The following DMC1 variants were observed in gnomAD, a reference collection of about 807,000 sequenced individuals.
The protein encoded by DMC1 is meiotic recombination protein DMC1 homolog.
A neutral mutation model predicts 50.1 loss-of-function variants in DMC1; 27 were observed. The observed-to-expected ratio is 0.54, with a 90% CI of 0.40 to 0.74. The LOEUF (loss-of-function observed/expected upper bound fraction) is 0.74. DMC1 is among the 30% of genes least tolerant of loss of function. The pLI is 0.00. For synonymous variants in DMC1, 148 were observed against 136.1 expected (o/e 1.09, Z -0.61); for missense variants, 295 against 420.2 (o/e 0.70, Z 2.60).
At chr22:38,513,152 A>G in the DMC1 span, among the ~76,000 whole-genome samples, 1 of 151,708 alleles carries the variant, frequency 6.6e-6, no homozygotes, top group Non-Finnish European at 1.5e-5. Flanking sequence ...CTGGGCATGG[A>G]TGGGAGTCTG....
At position 38,547,226 on chromosome 22, in the gene DMC1, G is replaced by A. The variant is rs553018324; in HGVS notation, c.494+2699C>T. On this transcript the variant is annotated intron_variant, in intron 8 of 13. Coordinates refer to ENST00000216024, the MANE Select transcript of DMC1 (RefSeq NM_007068.4). ...AAAATTTATTTCGTAGAGACACTAT[G>A]TTGCCCAGGCTGGTCTTGAACTCCT... is the stretch of plus-strand genomic sequence containing the variant. Among the ~76,000 whole-genome samples the A allele has an allele frequency of 2.0e-5, 3 of 152,240 alleles. No homozygotes were observed. In the South Asian group the frequency reaches 6.2e-4, roughly 32 times the overall value.
At chr22:38,521,536 T>G (rs2090023946) in intron 13 of DMC1, 72 bp downstream of exon 13, 1 of 923,834 alleles carries the variant, frequency 1.1e-6, no homozygotes, top group Admixed American at 2.2e-5. Flanking sequence ...AAACCCCGTC[T>G]CTACACACAC....
chr22:38,564,846 T>TAC (rs1439389864), intron 4 of DMC1, among the ~76,000 whole-genome samples: 2 of 152,152 alleles, frequency 1.3e-5, no homozygotes, highest in Non-Finnish European at 2.9e-5. Flanking sequence ...GACTTGTGGG[T>TAC]ACACTGCCTG....
At chr22:38,555,334 CA>C (rs2090458598) in intron 6 of DMC1, 22 bp downstream of exon 6, 3 of 1,538,494 alleles carry the variant, frequency 1.9e-6, no homozygotes, top group Non-Finnish European at 2.7e-6. Context: ...TTTCATTTAA[CA>C]AAATATTAAG....
chr22:38,552,624 A>G, intron 7 of DMC1, 42 bp downstream of exon 7: 1 of 1,345,658 alleles, frequency 7.4e-7, no homozygotes, highest in Non-Finnish European at 1.1e-6. Flanking sequence ...TTGATAAGTA[A>G]TAGCCATGAT....
downstream of DMC1, among the ~76,000 whole-genome samples, chr22:38,516,996 T>C (rs1453054154): frequency 6.6e-6 from 1 of 151,998 alleles, no homozygotes; most frequent in Admixed American, 6.6e-5. Flanking sequence ...CTAACTTTTG[T>C]TTGTTTTTTG....
chr22:38,515,808 C>A (rs115582834), downstream of DMC1, among the ~76,000 whole-genome samples: 260 of 152,140 alleles, frequency 1.7e-3, no homozygotes, highest in African/African-American at 5.9e-3. Flanking sequence ...AAAAATCAAT[C>A]AATAAATAAA....
intron 8 of DMC1, among the ~76,000 whole-genome samples, chr22:38,542,333 C>G (rs1339171509): frequency 6.6e-6 from 1 of 151,974 alleles, no homozygotes; most frequent in East Asian, 1.9e-4. Context: ...GCTATTAGAA[C>G]TGATAAACAA....
chr22:38,562,814 T>TATATACACACATATATACATATACAC (rs2090543263), intron 4 of DMC1, among the ~76,000 whole-genome samples: 2 of 151,874 alleles, frequency 1.3e-5, no homozygotes, highest in African/African-American at 2.4e-5. Context: ...TACATATACA[T>TATATACACACATATATACATATACAC]ATATACACAC....
In DMC1 at chr22:38,568,205, C is replaced by G. The variant is rs751123078; in HGVS notation, c.51+1G>C. On this transcript the variant is annotated splice_donor_variant, in intron 2 of 13. Coordinates refer to ENST00000216024, the MANE Select transcript of DMC1 (RefSeq NM_007068.4). LOFTEE classifies it high-confidence loss of function. ...TATATCTTTCAACATTTTAGTCATACCTCTTCATCTTGGAATCCTGGTTCT... is the reference window on the plus strand; with the variant it reads ...TATATCTTTCAACATTTTAGTCATAGCTCTTCATCTTGGAATCCTGGTTCT... 2 of 1,613,774 alleles carry G rather than the reference C, an allele frequency of 1.2e-6. No homozygotes were observed. Among genetic ancestry groups the G allele is most frequent in the Non-Finnish European group, 1.7e-6 (2 of 1,179,812 alleles).
intron 9 of DMC1, among the ~76,000 whole-genome samples, chr22:38,539,015 G>A (rs2090250172): frequency 6.7e-6 from 1 of 150,314 alleles, no homozygotes; most frequent in African/African-American, 2.5e-5. Context: ...CAGCCTGAGT[G>A]ACAGAGCGAG....
the DMC1 span, among the ~76,000 whole-genome samples, chr22:38,510,996 T>G: frequency 6.6e-6 from 1 of 152,220 alleles, no homozygotes; most frequent in Non-Finnish European, 1.5e-5. Context: ...AAGTCAGGCA[T>G]GGTGGCATGT....
chr22:38,547,519 G>T (rs1765850005), intron 8 of DMC1, among the ~76,000 whole-genome samples: 1 of 151,362 alleles, frequency 6.6e-6, no homozygotes, highest in Admixed American at 6.6e-5. Flanking sequence ...CCTCAAACTA[G>T]TATATTTTTT....
Position 38,538,619 on chromosome 22 carries a change from G to A in DMC1, c.587-7C>T. 6 of 1,612,196 alleles carry A rather than the reference G, an allele frequency of 3.7e-6. No homozygotes were observed. The highest frequency in any genetic ancestry group is 1.7e-5 in the Admixed American group (1 of 60,006). ...AGCTCCATCTGATGTTCACCTGATG[G>A]GAAATGCAGTGAGAAAATGTTATAA... is the stretch of plus-strand genomic sequence containing the variant. On this transcript the variant is annotated splice_region_variant and splice_polypyrimidine_tract_variant and intron_variant, in intron 9 of 13. Coordinates refer to ENST00000216024, the MANE Select transcript of DMC1 (RefSeq NM_007068.4).
chr22:38,540,235 G>A (rs1461993959), intron 8 of DMC1, among the ~76,000 whole-genome samples: 3 of 152,014 alleles, frequency 2.0e-5, no homozygotes, highest in Non-Finnish European at 2.9e-5. Context: ...TAGTGGAGAC[G>A]GGGTTTCACC....
At chr22:38,554,536 C>T (rs1290442518) in intron 6 of DMC1, among the ~76,000 whole-genome samples, 1 of 151,708 alleles carries the variant, frequency 6.6e-6, no homozygotes, top group Admixed American at 6.6e-5. Flanking sequence ...GCATGAATTG[C>T]TTTTTAAAAA....
At chr22:38,569,810 C>G (rs1404920374) in intron 1 of DMC1, among the ~76,000 whole-genome samples, 1 of 152,196 alleles carries the variant, frequency 6.6e-6, no homozygotes, top group Non-Finnish European at 1.5e-5. Context: ...TTCCTGACAC[C>G]GGATTCCCTG....
At chr22:38,514,803 T>G (rs1312714565), downstream of DMC1, among the ~76,000 whole-genome samples, 1 of 152,104 alleles carries the variant, frequency 6.6e-6, no homozygotes, top group Non-Finnish European at 1.5e-5. Flanking sequence ...AACCATCAGT[T>G]CCGGGAATTG....
intron 12 of DMC1, among the ~76,000 whole-genome samples, chr22:38,530,308 C>T (rs968036010): frequency 6.6e-6 from 1 of 151,258 alleles, no homozygotes; most frequent in Non-Finnish European, 1.5e-5. Flanking sequence ...AGGGGAGTAC[C>T]GCCAAAGAAG....
Sources: allele counts gnomAD v4.1 joint callset (sites outside exome capture counted in the v4.1 genomes callset), GRCh38; gene constraint gnomAD v4.1.1; transcripts MANE v1.5; gene names NCBI Gene and HGNC (gene_info 2026-07-23, HGNC 2026-07-21).